Variants in ANKIB1 observed in about 807,000 individuals in gnomAD.
The protein encoded by ANKIB1 is ankyrin repeat and IBR domain containing 1, also known as ankyrin repeat and IBR domain-containing protein 1.
In ANKIB1, 43 loss-of-function variants were observed where a neutral mutation model predicts 122.1. That is an observed-to-expected ratio of 0.35 (90% confidence interval 0.28 to 0.45). ANKIB1 has a LOEUF of 0.45. Among genes scored for constraint, ANKIB1 ranks in the 20% least tolerant of loss-of-function variants. The pLI is 1.00. For missense variants in ANKIB1, 992 were observed against 1,329.5 expected, an observed-to-expected ratio of 0.75 and a Z score of 3.95; for synonymous variants, 390 against 442.0, an observed-to-expected ratio of 0.88 and a Z score of 1.48.
At chr7:92,319,545 T>C in intron 4 of ANKIB1, 33 bp downstream of exon 4, 1 of 1,573,446 alleles carries the variant, frequency 6.4e-7, no homozygotes, top group Non-Finnish European at 8.6e-7. Flanking sequence ...GTAAAAAAAT[T>C]ACATGTAATT....
chr7:92,381,319 AG>A (rs1804509423), intron 11 of ANKIB1, among the ~76,000 whole-genome samples: 1 of 152,232 alleles, frequency 6.6e-6, no homozygotes, highest in Non-Finnish European at 1.5e-5. Flanking sequence ...AACACTCTTC[AG>A]GATATTATCC....
At chr7:92,267,541 T>C (rs76338345) in intron 1 of ANKIB1, among the ~76,000 whole-genome samples, 1,967 of 152,300 alleles carry the variant, frequency 0.013, 41 homozygotes, top group African/African-American at 0.044. Context: ...CTAAAAAATC[T>C]CCATAGAGAT....
intron 3 of ANKIB1, 138 bp downstream of exon 3, chr7:92,307,794 TAAATAAAGGGCCTC>T (rs1802594327): frequency 1.9e-6 from 1 of 532,150 alleles, no homozygotes; most frequent in Non-Finnish European, 3.0e-6. Flanking sequence ...AAGACCCTTT[TAAATAAAGGGCCTC>T]TTTTTTTTTT....
chr7:92,251,141 T>C (rs563826106), intron 1 of ANKIB1, among the ~76,000 whole-genome samples: 5 of 152,298 alleles, frequency 3.3e-5, no homozygotes, highest in East Asian at 3.9e-4. Context: ...TGAAACAATA[T>C]TGGAGGTAGA....
chr7:92,376,233 C>A (rs758554831), intron 11 of ANKIB1, among the ~76,000 whole-genome samples: 8 of 152,120 alleles, frequency 5.3e-5, no homozygotes, highest in Non-Finnish European at 1.2e-4. Flanking sequence ...AAGAGTCAGC[C>A]CATTCTTCGA....
At chr7:92,317,057 C>A (rs920171813) in intron 3 of ANKIB1, among the ~76,000 whole-genome samples, 1 of 152,156 alleles carries the variant, frequency 6.6e-6, no homozygotes, top group Non-Finnish European at 1.5e-5. Context: ...CAGTCAGGAG[C>A]AGATAGTCTA....
intron 5 of ANKIB1, among the ~76,000 whole-genome samples, chr7:92,337,556 A>G (rs1049680164): frequency 2.0e-5 from 3 of 152,116 alleles, no homozygotes; most frequent in Admixed American, 6.6e-5. Flanking sequence ...GGCTTGGGGT[A>G]TATGTTATGC....
chr7:92,328,377 G>A (rs1803072370), intron 5 of ANKIB1, among the ~76,000 whole-genome samples: 1 of 152,138 alleles, frequency 6.6e-6, no homozygotes, highest in Non-Finnish European at 1.5e-5. Context: ...TGAAGTTAAA[G>A]GGTCACCTTG....
At chr7:92,386,455 A>G in intron 11 of ANKIB1, 54 bp from the exon 12 acceptor site, 8 of 1,497,242 alleles carry the variant, frequency 5.3e-6, no homozygotes, top group Non-Finnish European at 7.1e-6. Flanking sequence ...TAAAGCAGAA[A>G]ATAATTTGCA....
At chr7:92,261,590 C>CT (rs1187398802) in intron 1 of ANKIB1, among the ~76,000 whole-genome samples, 2 of 152,062 alleles carry the variant, frequency 1.3e-5, no homozygotes, top group East Asian at 1.9e-4. Flanking sequence ...AAAGCCATAG[C>CT]TTTTTTTCAT....
chr7:92,282,579 A>G (rs1198190598), intron 1 of ANKIB1, among the ~76,000 whole-genome samples: 3 of 152,248 alleles, frequency 2.0e-5, no homozygotes, highest in Non-Finnish European at 4.4e-5. Flanking sequence ...TTCAAAAATT[A>G]TGAAAGCCAA....
At position 92,398,833 on chromosome 7, in the gene ANKIB1, G is replaced by T. The variant is rs528472169; in HGVS notation, c.3154G>T (p.Ala1052Ser). ...AGAAAATATTCTGGCGGGGGAAGCA[G>T]CATCTCAAGCTGGTGACAGTGGTAA... Reference protein sequence around the residue: ...LEENILAGEAASQAGDSGNEA... With the variant: ...LEENILAGEASSQAGDSGNEA... The change falls in exon 20 of 20, where the codon GCA becomes TCA. Residue 1052 changes from alanine to serine, a missense_variant. By Grantham distance (99) the Ala-to-Ser change is moderately conservative. Transcript: ENST00000265742. The T allele has an allele frequency of 1.9e-6, 3 of 1,604,450 alleles. No homozygotes were observed. The African/African-American group carries it at 4.0e-5, about 21-fold the overall frequency.
intron 1 of ANKIB1, among the ~76,000 whole-genome samples, chr7:92,248,550 C>T (rs1801248822): frequency 6.6e-6 from 1 of 152,102 alleles, no homozygotes; most frequent in South Asian, 2.1e-4. Flanking sequence ...ATCTGAATGT[C>T]CTTGAAATGA....
At chr7:92,379,656 A>G (rs1804467041) in intron 11 of ANKIB1, among the ~76,000 whole-genome samples, 1 of 152,230 alleles carries the variant, frequency 6.6e-6, no homozygotes, top group Non-Finnish European at 1.5e-5. Context: ...TATAAGGACT[A>G]CTGGGCAGTT....
chr7:92,254,854 C>T (rs544773362), intron 1 of ANKIB1, among the ~76,000 whole-genome samples: 185 of 152,114 alleles, frequency 1.2e-3, no homozygotes, highest in African/African-American at 4.1e-3. Context: ...GGCTATGTCC[C>T]CACCCAAATC....
chr7:92,384,797 A>G (rs1190916792), intron 11 of ANKIB1, among the ~76,000 whole-genome samples: 2 of 152,260 alleles, frequency 1.3e-5, no homozygotes. Context: ...AAGAAAAGCT[A>G]GGCAATACCA....
intron 2 of ANKIB1, among the ~76,000 whole-genome samples, chr7:92,301,367 T>C (rs1187623999): frequency 6.6e-6 from 1 of 152,180 alleles, no homozygotes; most frequent in Non-Finnish European, 1.5e-5. Context: ...CTTTTTTTTT[T>C]TGATAATTGC....
At chr7:92,335,300 AG>A (rs1376016985) in intron 5 of ANKIB1, among the ~76,000 whole-genome samples, 2 of 151,954 alleles carry the variant, frequency 1.3e-5, no homozygotes, top group African/African-American at 4.8e-5. Context: ...GGCTTGTTTA[AG>A]CATGTAGTCT....
At chr7:92,392,394 G>A in intron 17 of ANKIB1, 102 bp downstream of exon 17, 3 of 991,494 alleles carry the variant, frequency 3.0e-6, no homozygotes, top group South Asian at 2.0e-5. Context: ...ATTATCAGCA[G>A]TGCTGTCTCT....
Sources: gnomAD v4.1 joint callset for allele counts (sites outside exome capture counted in the v4.1 genomes callset) on GRCh38, gnomAD v4.1.1 for gene constraint, MANE v1.5 for transcripts, NCBI Gene and HGNC (gene_info 2026-07-23, HGNC 2026-07-21) for gene names.